The following GRAP2 variants were observed in gnomAD, a reference collection of about 807,000 sequenced individuals.
GRAP2 encodes GRB2-related adapter protein 2.
GRAP2 carries 31 observed loss-of-function variants against 43.5 expected under a neutral mutation model. The ratio of observed to expected loss-of-function variants is 0.71; its 90% CI spans 0.54 to 0.96. The LOEUF (loss-of-function observed/expected upper bound fraction) is 0.96. GRAP2 is among the 40% of genes least tolerant of loss of function. The pLI is 0.00. For missense variants in GRAP2, 371 were observed against 424.4 expected (o/e 0.87, Z 1.11); for synonymous variants, 156 against 164.8 (o/e 0.95, Z 0.41).
chr22:39,921,316 T>A (rs2066649791), intron 1 of GRAP2, among the ~76,000 whole-genome samples: 1 of 152,206 alleles, frequency 6.6e-6, no homozygotes, highest in African/African-American at 2.4e-5. Context: ...ATGGGAATAA[T>A]AAAATTAAAA....
At chr22:39,920,817 C>T (rs1053469126) in intron 1 of GRAP2, among the ~76,000 whole-genome samples, 10 of 151,802 alleles carry the variant, frequency 6.6e-5, no homozygotes, top group Non-Finnish European at 5.9e-5. Flanking sequence ...ATGCTGAAAC[C>T]GTGCATGCCC....
upstream of GRAP2, among the ~76,000 whole-genome samples, chr22:39,900,234 C>A (rs1028672043): frequency 6.6e-6 from 1 of 152,148 alleles, no homozygotes; most frequent in Non-Finnish European, 1.5e-5. Flanking sequence ...AATTTTAGAA[C>A]CCCAAATTGA....
intron 1 of GRAP2, among the ~76,000 whole-genome samples, chr22:39,920,934 C>A (rs975556484): frequency 1.5e-5 from 2 of 133,214 alleles, no homozygotes; most frequent in African/African-American, 2.9e-5. Context: ...TATTTAACTT[C>A]TCTACACAGA....
At chr22:39,938,538 G>A (rs993856066) in intron 1 of GRAP2, among the ~76,000 whole-genome samples, 2 of 152,242 alleles carry the variant, frequency 1.3e-5, no homozygotes, top group African/African-American at 4.8e-5. Flanking sequence ...CCAGCCAAGG[G>A]TCTGCAGGAG....
At chr22:39,922,245 A>G (rs1423569824) in intron 1 of GRAP2, among the ~76,000 whole-genome samples, 1 of 152,200 alleles carries the variant, frequency 6.6e-6, no homozygotes, top group South Asian at 2.1e-4. Flanking sequence ...ACTTGAAATG[A>G]GAAGATGAGG....
chr22:39,955,966 T>G, intron 3 of GRAP2, 56 bp downstream of exon 3: 1 of 850,476 alleles, frequency 1.2e-6, no homozygotes, highest in East Asian at 2.5e-5. Flanking sequence ...CTCTTACATT[T>G]CCAGCAGTCA....
intron 1 of GRAP2, among the ~76,000 whole-genome samples, chr22:39,915,098 A>G (rs2145580722): frequency 6.6e-6 from 1 of 150,752 alleles, no homozygotes; most frequent in Admixed American, 6.6e-5. Flanking sequence ...CCGAGGTGGG[A>G]GAATCACTTG....
chr22:39,968,478 CA>C, intron 6 of GRAP2: 1 of 579,452 alleles, frequency 1.7e-6, no homozygotes, highest in Non-Finnish European at 3.1e-6. Context: ...CACACACACA[CA>C]CTGTCTCACA....
intron 5 of GRAP2, among the ~76,000 whole-genome samples, chr22:39,966,784 T>C (rs970905427): frequency 6.6e-6 from 1 of 152,226 alleles, no homozygotes; most frequent in African/African-American, 2.4e-5. Context: ...CTTTAATCGC[T>C]TAGCTACCTG....
intron 3 of GRAP2, among the ~76,000 whole-genome samples, chr22:39,956,686 C>T (rs1011679649): frequency 6.6e-6 from 1 of 151,626 alleles, no homozygotes; most frequent in African/African-American, 2.4e-5. Context: ...ACAGGCTGGT[C>T]TCAAACTCTT....
chr22:39,925,892 G>T lies in GRAP2; in HGVS notation c.-14-21201G>T, dbSNP rs952750265. 3.3e-5 allele frequency among the ~76,000 whole-genome samples: 5 copies of T among 152,152 alleles called. No homozygotes were observed. In the South Asian group the frequency reaches 1.0e-3, roughly 31 times the overall value. On this transcript the variant is annotated intron_variant, in intron 1 of 7. Coordinates refer to ENST00000344138, the MANE Select transcript of GRAP2 (RefSeq NM_004810.4). ...GGTTGTGCTGTCCTCATTATCTGAA[G>T]CCTTTACCTCCCCTCTTAGGCCTCA...
chr22:39,934,930 A>G (rs1388646921), intron 1 of GRAP2, among the ~76,000 whole-genome samples: 1 of 152,218 alleles, frequency 6.6e-6, no homozygotes, highest in Non-Finnish European at 1.5e-5. Context: ...CAAAATCTTC[A>G]TGTACAAATG....
intron 1 of GRAP2, among the ~76,000 whole-genome samples, chr22:39,922,602 T>C (rs1169077420): frequency 6.6e-6 from 1 of 152,154 alleles, no homozygotes; most frequent in Admixed American, 6.5e-5. Flanking sequence ...TGATCTGTTT[T>C]GCACAAATCA....
chr22:39,898,620 C>T (rs1414822743), upstream of GRAP2, among the ~76,000 whole-genome samples: 2 of 152,166 alleles, frequency 1.3e-5, no homozygotes, highest in Admixed American at 6.5e-5. Context: ...CGAGACCAGC[C>T]TGACCAACAT....
chr22:39,930,167 A>G (rs976466103), intron 1 of GRAP2, among the ~76,000 whole-genome samples: 2 of 152,248 alleles, frequency 1.3e-5, no homozygotes, highest in African/African-American at 4.8e-5. Flanking sequence ...CAAAATATTT[A>G]AAATGGCATA....
At position 39,910,741 on chromosome 22, in the gene GRAP2, TA is replaced by T. The variant is rs558928417; in HGVS notation, c.-15+9426del. Among the ~76,000 whole-genome samples, 718 of 141,254 alleles carry T rather than the reference TA, an allele frequency of 5.1e-3. 5 individuals carry two copies. The highest frequency in any genetic ancestry group is 0.014 in the South Asian group (63 of 4,376). 92.7% of individuals were successfully genotyped at this position (141,254 alleles called of 152,430 possible). On this transcript the variant is annotated intron_variant, in intron 1 of 7. Coordinates refer to ENST00000344138, the MANE Select transcript of GRAP2 (RefSeq NM_004810.4). ...TTATTCTGTACTTACACTGTTGATT[TA>T]AAAAAAAAAAAAAACCCTAGGACAG...
At chr22:39,918,029 T>G (rs995351355) in intron 1 of GRAP2, among the ~76,000 whole-genome samples, 8 of 152,324 alleles carry the variant, frequency 5.3e-5, no homozygotes, top group African/African-American at 1.7e-4. Context: ...GCATAGCATT[T>G]TTAGGCATTA....
intron 1 of GRAP2, among the ~76,000 whole-genome samples, chr22:39,930,045 A>T (rs1461639915): frequency 6.6e-6 from 1 of 152,370 alleles, no homozygotes; most frequent in Non-Finnish European, 1.5e-5. Context: ...AAATAATGCA[A>T]AGTATCTCAA....
At chr22:39,897,136 G>C (rs557513953), upstream of GRAP2, among the ~76,000 whole-genome samples, 1 of 152,002 alleles carries the variant, frequency 6.6e-6, no homozygotes, top group African/African-American at 2.4e-5. Context: ...CTCCAAACTC[G>C]TGTATCTAAC....
Sources: allele counts gnomAD v4.1 joint callset (sites outside exome capture counted in the v4.1 genomes callset), GRCh38; gene constraint gnomAD v4.1.1; transcripts MANE v1.5; gene names NCBI Gene and HGNC (gene_info 2026-07-23, HGNC 2026-07-21).